Variants in CPPED1 observed in about 807,000 individuals in gnomAD.
CPPED1 encodes calcineurin like phosphoesterase domain containing 1, also known as serine/threonine-protein phosphatase CPPED1.
CPPED1 carries 28 observed loss-of-function variants against 28.0 expected under a neutral mutation model. The ratio of observed to expected loss-of-function variants is 1.00; its 90% confidence interval spans 0.74 to 1.37. CPPED1 has a LOEUF of 1.37. Among genes scored for constraint, CPPED1 ranks in the 40% most tolerant of loss-of-function variants. The probability of loss-of-function intolerance (pLI) is 0.00; values close to 1 mark genes in which losing one functional copy is unlikely to be tolerated. For synonymous variants in CPPED1, 198 were observed against 180.2 expected (o/e 1.10, Z -0.79); for missense variants, 504 against 416.5 (o/e 1.21, Z -1.83).
chr16:12,720,094 T>C (rs74487304), intron 2 of CPPED1, among the ~76,000 whole-genome samples: 3,098 of 152,356 alleles, frequency 0.02, 61 homozygotes, highest in Middle Eastern at 0.054. Flanking sequence ...CATATAGTTC[T>C]GGACAGGCCT....
At chr16:12,777,384 T>C (rs1439523850) in intron 2 of CPPED1, among the ~76,000 whole-genome samples, 1 of 152,182 alleles carries the variant, frequency 6.6e-6, no homozygotes, top group Non-Finnish European at 1.5e-5. Context: ...CTAACAAGGC[T>C]TCTGGGGACA....
At chr16:12,758,166 C>T (rs1035863476) in intron 2 of CPPED1, among the ~76,000 whole-genome samples, 6 of 152,120 alleles carry the variant, frequency 3.9e-5, no homozygotes, top group African/African-American at 1.2e-4. Context: ...ACAGCCATGA[C>T]ATCACTCCAT....
intron 3 of CPPED1, among the ~76,000 whole-genome samples, chr16:12,690,747 C>T (rs769873639): frequency 7.3e-5 from 11 of 151,234 alleles, no homozygotes; most frequent in African/African-American, 1.5e-4. Flanking sequence ...AACGGATGAA[C>T]GGAGAGGCTT....
chr16:12,787,244 T>C (rs1040562661), intron 1 of CPPED1, among the ~76,000 whole-genome samples: 4 of 152,140 alleles, frequency 2.6e-5, no homozygotes, highest in African/African-American at 9.7e-5. Flanking sequence ...CTGACCCAGA[T>C]GATATCAAAA....
chr16:12,784,359 C>T (rs2080550158), intron 1 of CPPED1, among the ~76,000 whole-genome samples: 1 of 152,156 alleles, frequency 6.6e-6, no homozygotes, highest in African/African-American at 2.4e-5. Flanking sequence ...TTATAAGACT[C>T]TGTGGCAGAT....
rs1048916713 is a variant in CPPED1 at position 12,664,116 on chromosome 16, G to C, written c.*770C>G. 7.2e-5 allele frequency: 11 copies of C among 152,416 alleles called. No individual in the cohort carries two copies. Among genetic ancestry groups the C allele is most frequent in the African/African-American group, 2.7e-4 (11 of 41,440 alleles). The allele number at this position is 152,416 out of a possible 1,614,324, so 9.4% of individuals were successfully genotyped here. A position where few individuals can be genotyped will look rare whatever the true frequency, so the allele number is the denominator to read the frequency against. ...CACCCATCTGTGGAGTGGCTACACA[G>C]CCAGAATGTGGATGTGAACCAACTC... On this transcript the variant is annotated 3_prime_UTR_variant, in exon 4 of 4. Transcript: ENST00000381774. The surrounding 1 kb of genome is among the most constrained non-coding windows in gnomAD (Gnocchi z 4.2).
At chr16:12,743,186 C>G (rs1261253315) in intron 2 of CPPED1, among the ~76,000 whole-genome samples, 2 of 152,170 alleles carry the variant, frequency 1.3e-5, no homozygotes, top group African/African-American at 4.8e-5. Context: ...TGAATGGGGC[C>G]TTTTGAAGGG....
intron 2 of CPPED1, among the ~76,000 whole-genome samples, chr16:12,731,879 CA>C (rs1328013855): frequency 4.6e-5 from 7 of 151,492 alleles, no homozygotes; most frequent in African/African-American, 1.7e-4. Flanking sequence ...AAACCATTAG[CA>C]GGCTGGGTGT....
rs142212277 is a variant in CPPED1 at position 12,748,793 on chromosome 16, G to A, written c.289+32392C>T. On this transcript the variant is annotated intron_variant, in intron 2 of 3. Transcript: ENST00000381774. The stretch of plus-strand genomic sequence containing the variant: ...AGCTACTCAGGAGGCTGAGGTAGGA[G>A]AATCACTTGAACCCAGGAGGCAGAG... Among the ~76,000 whole-genome samples, 703 of 150,676 alleles carry A rather than the reference G, an allele frequency of 4.7e-3. 10 individuals carry two copies. Among genetic ancestry groups the A allele is most frequent in the African/African-American group, 0.017 (678 of 40,998 alleles).
chr16:12,700,927 A>T (rs2080016969), intron 3 of CPPED1, among the ~76,000 whole-genome samples: 1 of 152,050 alleles, frequency 6.6e-6, no homozygotes, highest in African/African-American at 2.4e-5. Flanking sequence ...TATACAGAAG[A>T]TGTCAAAGTT....
intron 3 of CPPED1, among the ~76,000 whole-genome samples, chr16:12,669,516 A>G (rs1473194426): frequency 3.3e-5 from 5 of 152,238 alleles, no homozygotes; most frequent in Non-Finnish European, 7.3e-5. Context: ...AAAAATTTAC[A>G]GGAAGAGGAG....
At chr16:12,771,462 A>G (rs2080469884) in intron 2 of CPPED1, among the ~76,000 whole-genome samples, 1 of 152,214 alleles carries the variant, frequency 6.6e-6, no homozygotes, top group African/African-American at 2.4e-5. Context: ...GTACACACCA[A>G]TACGGACACA....
At chr16:12,703,162 A>G (rs1400828131) in intron 3 of CPPED1, among the ~76,000 whole-genome samples, 3 of 152,252 alleles carry the variant, frequency 2.0e-5, no homozygotes, top group Non-Finnish European at 4.4e-5. Flanking sequence ...TCATCAAGAC[A>G]GTTTTCTGCA....
chr16:12,756,561 C>T (rs549965267), intron 2 of CPPED1, among the ~76,000 whole-genome samples: 9 of 152,082 alleles, frequency 5.9e-5, no homozygotes, highest in African/African-American at 1.2e-4. Flanking sequence ...GGTGTGATGG[C>T]ACAGGCATGG....
intron 1 of CPPED1, among the ~76,000 whole-genome samples, chr16:12,792,656 G>A (rs2080603651): frequency 6.6e-6 from 1 of 152,086 alleles, no homozygotes; most frequent in South Asian, 2.1e-4. Context: ...GGACCTGGTG[G>A]GAGGTAACTG....
At chr16:12,677,276 G>C (rs1463320099) in intron 3 of CPPED1, among the ~76,000 whole-genome samples, 1 of 152,242 alleles carries the variant, frequency 6.6e-6, no homozygotes, top group African/African-American at 2.4e-5. Flanking sequence ...GATAGGCGAG[G>C]GCGGGGAAAG....
chr16:12,711,618 G>A (rs2080080357), intron 2 of CPPED1, among the ~76,000 whole-genome samples: 1 of 152,178 alleles, frequency 6.6e-6, no homozygotes, highest in Admixed American at 6.6e-5. Flanking sequence ...TTCAGTGGAG[G>A]GTGGGGCTGG....
intron 3 of CPPED1, among the ~76,000 whole-genome samples, chr16:12,689,620 G>A (rs1044267833): frequency 6.6e-6 from 1 of 151,880 alleles, no homozygotes; most frequent in African/African-American, 2.4e-5. Context: ...CAACAAGAGT[G>A]CACCTGTATG....
intron 1 of CPPED1, among the ~76,000 whole-genome samples, chr16:12,783,606 T>C (rs2080545503): frequency 6.6e-6 from 1 of 152,114 alleles, no homozygotes; most frequent in African/African-American, 2.4e-5. Flanking sequence ...GGGCCAGTGA[T>C]AACCTTTTTA....
Sources: allele counts gnomAD v4.1 joint callset (sites outside exome capture counted in the v4.1 genomes callset), GRCh38; gene constraint gnomAD v4.1.1; non-coding constraint Gnocchi (gnomAD v3.1); transcripts MANE v1.5; gene names NCBI Gene and HGNC (gene_info 2026-07-23, HGNC 2026-07-21).